The following HMGA2 variants were observed in gnomAD, a reference collection of about 807,000 sequenced individuals.
HMGA2 encodes high mobility group protein HMGI-C.
A neutral mutation model predicts 19.1 loss-of-function variants in HMGA2; 8 were observed. The observed-to-expected ratio is 0.42, with a 90% CI of 0.25 to 0.76. The LOEUF is 0.76. HMGA2 is among the 30% of genes least tolerant of loss of function. HMGA2 has a pLI of 0.28. For missense variants in HMGA2, 109 were observed against 136.3 expected, an observed-to-expected ratio of 0.80 and a Z score of 1.00; for synonymous variants, 60 against 48.8, an observed-to-expected ratio of 1.23 and a Z score of -0.96.
chr12:65,851,782 T>A, intron 3 of HMGA2: 1 of 295,392 alleles, frequency 3.4e-6, no homozygotes, highest in Admixed American at 4.0e-5. Context: ...TCTAACCCAC[T>A]AATCACGGTT....
chr12:65,924,838 C>G (rs1355771256), intron 3 of HMGA2, among the ~76,000 whole-genome samples: 2 of 152,166 alleles, frequency 1.3e-5, no homozygotes, highest in African/African-American at 2.4e-5. Context: ...TTGGCAACTT[C>G]CTGAGGCCTT....
chr12:65,934,601 CA>C (rs1459134560), intron 3 of HMGA2, among the ~76,000 whole-genome samples: 1 of 152,176 alleles, frequency 6.6e-6, no homozygotes, highest in Non-Finnish European at 1.5e-5. Flanking sequence ...GCTGTTGGTA[CA>C]CCCACAAATG....
chr12:65,831,451 A>G (rs1255512382), intron 2 of HMGA2, among the ~76,000 whole-genome samples: 5 of 150,906 alleles, frequency 3.3e-5, no homozygotes, highest in Non-Finnish European at 7.4e-5. Flanking sequence ...AAGGAAAATG[A>G]AAATAAAAAA....
intron 3 of HMGA2, among the ~76,000 whole-genome samples, chr12:65,903,562 G>T (rs1215430360): frequency 2.0e-5 from 3 of 152,158 alleles, no homozygotes; most frequent in Non-Finnish European, 4.4e-5. Flanking sequence ...CAGAGCAAGG[G>T]TCTCTGGTAA....
In HMGA2 at chr12:65,825,167, C is replaced by G. The variant is rs1466256870; in HGVS notation, c.-104C>G. The stretch of plus-strand genomic sequence containing the variant: ...GCCCGCCAGCTCGCGCTCGCCCCGC[C>G]GGCGTCCCCAGCCCTATCACCTCAT... On this transcript the variant is annotated 5_prime_UTR_variant, in exon 1 of 5. Coordinates refer to ENST00000403681, the MANE Select transcript of HMGA2 (RefSeq NM_003483.6). The surrounding 1 kb of genome is among the most constrained non-coding windows in gnomAD (Gnocchi z 4.4). 4.0e-6 allele frequency: 4 copies of G among 991,078 alleles called. No homozygotes were observed. The highest frequency in any genetic ancestry group is 6.3e-5 in the East Asian group (2 of 31,578). 61.4% of individuals were successfully genotyped at this position (991,078 alleles called of 1,614,324 possible).
chr12:65,856,550 C>CAG (rs1871752941), intron 3 of HMGA2: 1 of 152,222 alleles, frequency 6.6e-6, no homozygotes, highest in Non-Finnish European at 1.5e-5. Flanking sequence ...TGATAAATCT[C>CAG]TTCCTTCAGG....
intron 3 of HMGA2, among the ~76,000 whole-genome samples, chr12:65,847,012 T>A (rs891327349): frequency 3.3e-5 from 5 of 152,178 alleles, no homozygotes; most frequent in African/African-American, 9.7e-5. Flanking sequence ...CAAATCCTAA[T>A]GACACACTAT....
intron 3 of HMGA2, among the ~76,000 whole-genome samples, chr12:65,881,047 G>A (rs1200023137): frequency 6.6e-6 from 1 of 152,160 alleles, no homozygotes; most frequent in Non-Finnish European, 1.5e-5. Context: ...TTTCTGGGTG[G>A]CATGTAAGTT....
intron 3 of HMGA2, among the ~76,000 whole-genome samples, chr12:65,929,462 T>G (rs899815420): frequency 1.3e-5 from 2 of 151,218 alleles, no homozygotes; most frequent in African/African-American, 4.8e-5. Context: ...TATTAGATAT[T>G]TATATACATA....
chr12:65,884,626 G>A (rs945384588), intron 3 of HMGA2, among the ~76,000 whole-genome samples: 2 of 152,090 alleles, frequency 1.3e-5, no homozygotes, highest in Admixed American at 6.5e-5. Flanking sequence ...AGTCCAAATA[G>A]CATTATTTAC....
intron 3 of HMGA2, among the ~76,000 whole-genome samples, chr12:65,877,884 T>C (rs1873134501): frequency 6.6e-6 from 1 of 152,180 alleles, no homozygotes; most frequent in African/African-American, 2.4e-5. Flanking sequence ...CTATGTTCCA[T>C]ATCATGGGAT....
At chr12:65,912,863 A>G (rs1373176109) in intron 3 of HMGA2, among the ~76,000 whole-genome samples, 1 of 152,222 alleles carries the variant, frequency 6.6e-6, no homozygotes, top group Admixed American at 6.5e-5. Context: ...TTTAGTTTCT[A>G]AAATGAGAAC....
chr12:65,873,057 G>A (rs757602489), intron 3 of HMGA2, among the ~76,000 whole-genome samples: 1 of 152,100 alleles, frequency 6.6e-6, no homozygotes. Context: ...GTTCAAATAC[G>A]GTGCCCCCGC....
chr12:65,922,442 C>T (rs1456465131), intron 3 of HMGA2, among the ~76,000 whole-genome samples: 1 of 152,154 alleles, frequency 6.6e-6, no homozygotes, highest in Non-Finnish European at 1.5e-5. Flanking sequence ...TCCATGGGCC[C>T]TGTAACCCCT....
intron 4 of HMGA2, among the ~76,000 whole-genome samples, chr12:65,962,651 A>T (rs768902416): frequency 1.3e-5 from 2 of 152,178 alleles, no homozygotes; most frequent in Non-Finnish European, 2.9e-5. Context: ...TGTTGGCACC[A>T]GTACCAACCC....
chr12:65,869,334 T>A (rs1221060623), intron 3 of HMGA2, among the ~76,000 whole-genome samples: 2 of 152,274 alleles, frequency 1.3e-5, no homozygotes, highest in South Asian at 4.1e-4. Context: ...ATGGTTGTAT[T>A]TCAGGAACCC....
intron 4 of HMGA2, among the ~76,000 whole-genome samples, chr12:65,962,868 G>C (rs1402403678): frequency 6.6e-6 from 1 of 152,070 alleles, no homozygotes; most frequent in African/African-American, 2.4e-5. Flanking sequence ...TATTTTTCTT[G>C]TGTGCCGGTT....
intron 3 of HMGA2, among the ~76,000 whole-genome samples, chr12:65,863,649 A>T (rs1372318299): frequency 2.6e-5 from 4 of 152,232 alleles, no homozygotes. Context: ...GGATTCATTC[A>T]CAAGAAAAGT....
chr12:65,930,064 T>C (rs1262531124), intron 3 of HMGA2, among the ~76,000 whole-genome samples: 1 of 151,970 alleles, frequency 6.6e-6, no homozygotes. Context: ...TATTTCAGAG[T>C]AGAATATATT....
Sources: allele counts gnomAD v4.1 joint callset (sites outside exome capture counted in the v4.1 genomes callset), GRCh38; gene constraint gnomAD v4.1.1; non-coding constraint Gnocchi (gnomAD v3.1); transcripts MANE v1.5; gene names NCBI Gene and HGNC (gene_info 2026-07-23, HGNC 2026-07-21).